The following UBE2D2 variants were observed in gnomAD, a reference collection of about 807,000 sequenced individuals.
The protein encoded by UBE2D2 is ubiquitin-conjugating enzyme E2 D2.
In UBE2D2, 2 loss-of-function variants were observed where a neutral mutation model predicts 24.2. The ratio of observed to expected loss-of-function variants is 0.08; its 90% CI spans 0.03 to 0.26. The LOEUF is 0.26. UBE2D2 is among the 10% of genes least tolerant of loss of function. The probability of loss-of-function intolerance (pLI) is 1.00; values close to 1 mark genes in which losing one functional copy is unlikely to be tolerated. For synonymous variants in UBE2D2, 58 were observed against 56.5 expected, an observed-to-expected ratio of 1.03 and a Z score of -0.12; for missense variants, 44 against 177.6, an observed-to-expected ratio of 0.25 and a Z score of 4.28.
Position 139,611,288 on chromosome 5 carries a change from G to A in UBE2D2, c.89-3298G>A, listed in dbSNP as rs188262131. On this transcript the variant is annotated intron_variant, in intron 2 of 6. Coordinates refer to ENST00000398733, the MANE Select transcript of UBE2D2 (RefSeq NM_003339.3). ...TGCAGCATTCACCTCCGAGTTTCAA[G>A]TGATTCTCCTGCCTCAGCCTCCTGA... Among the ~76,000 whole-genome samples, 91 of 140,380 alleles carry A rather than the reference G, an allele frequency of 6.5e-4. 1 individual carries two copies. The highest frequency in any genetic ancestry group is 1.3e-3 in the Non-Finnish European group (85 of 66,140). 92.1% of individuals were successfully genotyped at this position (140,380 alleles called of 152,430 possible).
At chr5:139,618,804 T>G (rs1164755727) in intron 5 of UBE2D2, among the ~76,000 whole-genome samples, 1 of 152,242 alleles carries the variant, frequency 6.6e-6, no homozygotes, top group Admixed American at 6.5e-5. Context: ...TTGTATTAAC[T>G]GTCTCAGATT....
chr5:139,619,326 G>A (rs1399323511), intron 5 of UBE2D2, among the ~76,000 whole-genome samples: 1 of 151,748 alleles, frequency 6.6e-6, no homozygotes, highest in South Asian at 2.1e-4. Flanking sequence ...AACCTGGGAG[G>A]GAGAGGTTGC....
intron 2 of UBE2D2, among the ~76,000 whole-genome samples, chr5:139,600,653 C>A (rs1754052316): frequency 6.6e-6 from 1 of 152,146 alleles, no homozygotes; most frequent in African/African-American, 2.4e-5. Context: ...CCTACCTTAC[C>A]TTCATCCCTT....
At chr5:139,546,827 TTCC>T in intron 1 of UBE2D2, among the ~76,000 whole-genome samples, 7 of 67,234 alleles carry the variant, frequency 1.0e-4, no homozygotes. Flanking sequence ...TCTTCCTTCC[TTCC>T]TTCCTTCCTT....
intron 1 of UBE2D2, among the ~76,000 whole-genome samples, chr5:139,588,555 T>G (rs1753781581): frequency 1.3e-5 from 2 of 152,164 alleles, no homozygotes; most frequent in African/African-American, 4.8e-5. Context: ...CTAAATATAG[T>G]AGTACAACAA....
intron 1 of UBE2D2, among the ~76,000 whole-genome samples, chr5:139,556,018 C>T (rs1425170115): frequency 6.7e-6 from 1 of 149,988 alleles, no homozygotes; most frequent in Non-Finnish European, 1.5e-5. Context: ...GGGCGGATCA[C>T]CTGAGGTCAG....
At chr5:139,527,399 G>C (rs1338003963) in intron 1 of UBE2D2, among the ~76,000 whole-genome samples, 2 of 152,166 alleles carry the variant, frequency 1.3e-5, no homozygotes, top group East Asian at 1.9e-4. Flanking sequence ...AGTTAATTTA[G>C]ACTGAACAAG....
At chr5:139,542,123 G>C (rs1752769237) in intron 1 of UBE2D2, among the ~76,000 whole-genome samples, 1 of 152,144 alleles carries the variant, frequency 6.6e-6, no homozygotes, top group Non-Finnish European at 1.5e-5. Context: ...GGAGGCGGAG[G>C]TTGCAGTGAG....
chr5:139,570,342 G>C (rs759024355), intron 1 of UBE2D2, among the ~76,000 whole-genome samples: 1 of 151,776 alleles, frequency 6.6e-6, no homozygotes, highest in Non-Finnish European at 1.5e-5. Context: ...CCACCACCCC[G>C]CCTTTTTTTC....
intron 1 of UBE2D2, among the ~76,000 whole-genome samples, chr5:139,540,350 G>A (rs560245133): frequency 2.0e-5 from 3 of 151,990 alleles, no homozygotes; most frequent in African/African-American, 7.2e-5. Context: ...ATAGTACATC[G>A]ACATAACCTT....
chr5:139,615,077 C>A, intron 5 of UBE2D2, 111 bp downstream of exon 5: 3 of 1,081,656 alleles, frequency 2.8e-6, no homozygotes, highest in South Asian at 1.6e-5. Context: ...GATAGCAATT[C>A]TTCTTAATCT....
At chr5:139,580,084 A>C (rs1753562630) in intron 1 of UBE2D2, among the ~76,000 whole-genome samples, 1 of 151,306 alleles carries the variant, frequency 6.6e-6, no homozygotes, top group South Asian at 2.1e-4. Flanking sequence ...GATAAGGCTC[A>C]TGTCTGTAAT....
chr5:139,564,556 C>T (rs1056178069), intron 1 of UBE2D2, among the ~76,000 whole-genome samples: 2 of 150,738 alleles, frequency 1.3e-5, no homozygotes, highest in Non-Finnish European at 3.0e-5. Flanking sequence ...TGGGTTCAAG[C>T]GATTCTCCTG....
intron 1 of UBE2D2, among the ~76,000 whole-genome samples, chr5:139,599,397 G>A (rs1433863524): frequency 6.6e-6 from 1 of 151,822 alleles, no homozygotes; most frequent in Non-Finnish European, 1.5e-5. Flanking sequence ...TACAAAAATT[G>A]GCCTTAAATT....
At chr5:139,536,120 A>G (rs1752679518) in intron 1 of UBE2D2, among the ~76,000 whole-genome samples, 1 of 149,606 alleles carries the variant, frequency 6.7e-6, no homozygotes, top group South Asian at 2.1e-4. Context: ...TTTATTTGAG[A>G]CTGAGTTTCG....
intron 1 of UBE2D2, among the ~76,000 whole-genome samples, chr5:139,596,738 A>G (rs890663761): frequency 4.0e-5 from 6 of 151,898 alleles, no homozygotes; most frequent in Non-Finnish European, 7.4e-5. Context: ...TTGTCTCTGC[A>G]TTAAAATAAT....
At chr5:139,567,985 G>T (rs1292650320) in intron 1 of UBE2D2, among the ~76,000 whole-genome samples, 3 of 152,166 alleles carry the variant, frequency 2.0e-5, no homozygotes, top group South Asian at 4.1e-4. Flanking sequence ...GTCTGAGATT[G>T]GGAAGTTACC....
chr5:139,563,602 A>T (rs952916515), intron 1 of UBE2D2, among the ~76,000 whole-genome samples: 1 of 152,190 alleles, frequency 6.6e-6, no homozygotes, highest in African/African-American at 2.4e-5. Flanking sequence ...CCTGAGAAAG[A>T]GCAAGTGGGT....
chr5:139,537,963 CAA>C (rs200505310), intron 1 of UBE2D2, among the ~76,000 whole-genome samples: 43 of 132,280 alleles, frequency 3.3e-4, no homozygotes, highest in African/African-American at 4.2e-4. Context: ...GACTCCGTCT[CAA>C]AAAAAAAAAA....
Sources: gnomAD v4.1 joint callset for allele counts (sites outside exome capture counted in the v4.1 genomes callset) on GRCh38, gnomAD v4.1.1 for gene constraint, MANE v1.5 for transcripts, NCBI Gene and HGNC (gene_info 2026-07-23, HGNC 2026-07-21) for gene names.